The following IPO11 variants were observed in gnomAD, a reference collection of about 807,000 sequenced individuals.
IPO11 encodes the protein importin 11.
In IPO11, 66 loss-of-function variants were observed where a neutral mutation model predicts 143.2. The ratio of observed to expected loss-of-function variants is 0.46; its 90% CI spans 0.38 to 0.57. The LOEUF is 0.57. IPO11 is among the 20% of genes least tolerant of loss of function. The pLI is 0.00. For missense variants in IPO11, 1,026 were observed against 1,141.0 expected, an observed-to-expected ratio of 0.90 and a Z score of 1.45; for synonymous variants, 385 against 377.8, an observed-to-expected ratio of 1.02 and a Z score of -0.22.
At chr5:62,550,338 T>A (rs1455714951) in intron 24 of IPO11, 29 bp from the exon 25 acceptor site, 1 of 1,503,258 alleles carries the variant, frequency 6.7e-7, no homozygotes, top group Non-Finnish European at 9.2e-7. Flanking sequence ...CTTGCAGTAT[T>A]ATCACCAATC....
rs181596649 is a variant in IPO11, at chr5:62,544,633, T to C, written c.2251-5734T>C. Among the ~76,000 whole-genome samples, 62 of 152,296 alleles carry C rather than the reference T, an allele frequency of 4.1e-4. 1 individual carries two copies. Among genetic ancestry groups the C allele is most frequent in the African/African-American group, 1.3e-3 (56 of 41,560 alleles). ...AGGTAGGAGAAAGAAATCAATGATA[T>C]TCAATTAGGAAAAGAGGAAGTCAAA... On this transcript the variant is annotated intron_variant, in intron 24 of 29. Coordinates refer to ENST00000325324, the MANE Select transcript of IPO11 (RefSeq NM_016338.5).
intron 5 of IPO11, among the ~76,000 whole-genome samples, chr5:62,464,714 TC>T (rs1368664184): frequency 7.9e-5 from 12 of 151,964 alleles, no homozygotes; most frequent in Admixed American, 2.6e-4. Flanking sequence ...CCCCAGGTGA[TC>T]ATCTGCCTCT....
chr5:62,611,841 C>T (rs754773340), intron 29 of IPO11, among the ~76,000 whole-genome samples: 2 of 152,070 alleles, frequency 1.3e-5, no homozygotes, highest in African/African-American at 2.4e-5. Flanking sequence ...TTCTCTTCTG[C>T]TTCTTTTTCT....
At chr5:62,455,237 A>C (rs1176742620) in intron 5 of IPO11, among the ~76,000 whole-genome samples, 1 of 152,178 alleles carries the variant, frequency 6.6e-6, no homozygotes, top group East Asian at 1.9e-4. Flanking sequence ...TCCTACATAA[A>C]AAAATGTAAG....
At chr5:62,538,650 T>C (rs1742820861) in intron 24 of IPO11, among the ~76,000 whole-genome samples, 1 of 152,230 alleles carries the variant, frequency 6.6e-6, no homozygotes, top group Non-Finnish European at 1.5e-5. Context: ...CAATTAAACC[T>C]CTTTCCTTTA....
chr5:62,509,250 T>G (rs1439568785), intron 19 of IPO11, among the ~76,000 whole-genome samples: 1 of 152,146 alleles, frequency 6.6e-6, no homozygotes, highest in Admixed American at 6.5e-5. Flanking sequence ...AGAACAAAAT[T>G]AAAGGGACTC....
intron 1 of IPO11, among the ~76,000 whole-genome samples, chr5:62,421,980 C>T (rs563396514): frequency 2.3e-4 from 35 of 152,318 alleles, no homozygotes; most frequent in African/African-American, 7.9e-4. Context: ...ATCTCTTACA[C>T]TCAGCAAAAA....
intron 29 of IPO11, among the ~76,000 whole-genome samples, chr5:62,620,968 A>G (rs1006560763): frequency 1.3e-5 from 2 of 152,260 alleles, no homozygotes; most frequent in Non-Finnish European, 2.9e-5. Context: ...TGGCTTCAAC[A>G]CATGGCTCTG....
intron 5 of IPO11, 60 bp from the exon 6 acceptor site, chr5:62,467,071 C>T: frequency 1.4e-6 from 2 of 1,427,730 alleles, no homozygotes; most frequent in Non-Finnish European, 1.9e-6. Context: ...CTTTGTAGTT[C>T]TAATGTATTA....
intron 27 of IPO11, among the ~76,000 whole-genome samples, chr5:62,584,676 A>G (rs1161412468): frequency 6.7e-6 from 1 of 150,034 alleles, no homozygotes; most frequent in Admixed American, 6.6e-5. Flanking sequence ...TAACAAGGTA[A>G]TAGGCATTTT....
chr5:62,476,879 T>G, intron 9 of IPO11, 126 bp downstream of exon 9: 1 of 1,037,832 alleles, frequency 9.6e-7, no homozygotes, highest in South Asian at 2.5e-5. Context: ...TGACTCCTTA[T>G]AGGAAAGCTA....
chr5:62,572,545 G>GTTTATTTATTTA (rs57028103), intron 27 of IPO11, among the ~76,000 whole-genome samples: 1,959 of 86,032 alleles, frequency 0.023, 35 homozygotes, highest in East Asian at 0.12. Context: ...ATATTTGTTT[G>GTTTATTTATTTA]TTTATTTATT....
At position 62,592,287 on chromosome 5, in the gene IPO11, CT is replaced by C. The variant is rs111310368; in HGVS notation, c.2678+624del. ...TTTCCTAGTATGTTCTGAGCATGCT[CT>C]TTTTTTTTCAGTTTTGCTGTTTATA... On this transcript the variant is annotated intron_variant, in intron 28 of 29. Coordinates refer to ENST00000325324, the MANE Select transcript of IPO11 (RefSeq NM_016338.5). Among the ~76,000 whole-genome samples the C allele has an allele frequency of 9.3e-5, 14 of 151,128 alleles. No individual in the cohort carries two copies. In the East Asian group the frequency reaches 1.2e-3, roughly 13 times the overall value.
intron 29 of IPO11, among the ~76,000 whole-genome samples, chr5:62,620,257 C>T (rs1365324558): frequency 6.6e-6 from 1 of 152,090 alleles, no homozygotes; most frequent in African/African-American, 2.4e-5. Flanking sequence ...CGATGCCTCA[C>T]GCCTGTAATC....
At chr5:62,479,757 T>A (rs554033483) in intron 9 of IPO11, among the ~76,000 whole-genome samples, 3 of 152,238 alleles carry the variant, frequency 2.0e-5, no homozygotes, top group Non-Finnish European at 4.4e-5. Context: ...CGTCTGTTCA[T>A]GTCCTTTGCC....
At chr5:62,576,532 T>C (rs756908036) in intron 27 of IPO11, among the ~76,000 whole-genome samples, 1 of 152,202 alleles carries the variant, frequency 6.6e-6, no homozygotes, top group African/African-American at 2.4e-5. Context: ...GGCTCACACC[T>C]GTAATCCCAG....
chr5:62,566,712 T>C (rs1037228413), intron 27 of IPO11, among the ~76,000 whole-genome samples: 3 of 147,500 alleles, frequency 2.0e-5, no homozygotes, highest in Non-Finnish European at 4.4e-5. Context: ...CACTCCAGCC[T>C]GGGTGACACA....
At chr5:62,615,794 G>A (rs975774762) in intron 29 of IPO11, among the ~76,000 whole-genome samples, 5 of 152,106 alleles carry the variant, frequency 3.3e-5, no homozygotes, top group African/African-American at 9.7e-5. Flanking sequence ...TCCTTGGATG[G>A]GCTAAGGGAA....
rs1175661794 is a variant in IPO11 at position 62,435,200 on chromosome 5, G to GTA, written c.-6-2066_-6-2065dup. On this transcript the variant is annotated intron_variant, in intron 1 of 29. Transcript: ENST00000325324. ...TATATGTATATATATGTATATATAT[G>GTA]TATATATATGTGTATATATATATAT... Among the ~76,000 whole-genome samples, 4 of 104,710 alleles carry GTA rather than the reference G, an allele frequency of 3.8e-5. 1 individual carries two copies. Among genetic ancestry groups the GTA allele is most frequent in the Non-Finnish European group, 7.8e-5 (4 of 51,286 alleles). The allele number at this position is 104,710 out of a possible 152,430, so 68.7% of individuals were successfully genotyped here.
Sources: gnomAD v4.1 joint callset for allele counts (sites outside exome capture counted in the v4.1 genomes callset) on GRCh38, gnomAD v4.1.1 for gene constraint, MANE v1.5 for transcripts, NCBI Gene and HGNC (gene_info 2026-07-23, HGNC 2026-07-21) for gene names.